The following ANKRD30A variants were observed in gnomAD, a reference collection of about 807,000 sequenced individuals.
The protein encoded by ANKRD30A is ankyrin repeat domain-containing protein 30A.
In ANKRD30A, 170 loss-of-function variants were observed where a neutral mutation model predicts 166.3. That is an observed-to-expected ratio of 1.02 (90% confidence interval 0.90 to 1.16). The LOEUF (loss-of-function observed/expected upper bound fraction) is 1.16. Among genes scored for constraint, ANKRD30A ranks in the 50% most tolerant of loss-of-function variants. ANKRD30A has a pLI of 0.00. For synonymous variants in ANKRD30A, 564 were observed against 508.9 expected, an observed-to-expected ratio of 1.11 and a Z score of -1.46; for missense variants, 1,630 against 1,518.0, an observed-to-expected ratio of 1.07 and a Z score of -1.23.
At chr10:37,257,505 A>T in the ANKRD30A span, among the ~76,000 whole-genome samples, 1 of 152,122 alleles carries the variant, frequency 6.6e-6, no homozygotes, top group Non-Finnish European at 1.5e-5. Flanking sequence ...GGTCGATTTT[A>T]GATCTTTCCA....
At chr10:37,195,148 A>T (rs1840974376) in intron 27 of ANKRD30A, among the ~76,000 whole-genome samples, 1 of 152,222 alleles carries the variant, frequency 6.6e-6, no homozygotes, top group East Asian at 1.9e-4. Flanking sequence ...AAGTTAGAAC[A>T]AGAATTTTCA....
At chr10:37,240,735 A>G in the ANKRD30A span, among the ~76,000 whole-genome samples, 2 of 152,084 alleles carry the variant, frequency 1.3e-5, no homozygotes, top group Non-Finnish European at 2.9e-5. Flanking sequence ...TCATCCACCA[A>G]AAAGTCTACA....
At chr10:37,200,082 A>G (rs914814251) in intron 30 of ANKRD30A, among the ~76,000 whole-genome samples, 2 of 152,088 alleles carry the variant, frequency 1.3e-5, no homozygotes, top group African/African-American at 4.8e-5. Flanking sequence ...GTCTAAAAGC[A>G]AAAGAATTAC....
chr10:37,150,942 A>G (rs926765830), intron 11 of ANKRD30A, among the ~76,000 whole-genome samples: 3 of 151,678 alleles, frequency 2.0e-5, no homozygotes, highest in Non-Finnish European at 4.4e-5. Flanking sequence ...TGGTGTGGCA[A>G]CACGTTAGAT....
chr10:37,217,011 G>A (rs1842637895), intron 32 of ANKRD30A, among the ~76,000 whole-genome samples: 1 of 150,758 alleles, frequency 6.6e-6, no homozygotes, highest in South Asian at 2.1e-4. Context: ...TACATAAAAT[G>A]AATTCAGAGT....
At position 37,160,175 on chromosome 10, in the gene ANKRD30A, A is replaced by G. The variant is rs1588831465; in HGVS notation, c.1900+1589A>G. On this transcript the variant is annotated intron_variant, in intron 15 of 35. Coordinates refer to ENST00000361713, the MANE Select transcript of ANKRD30A (RefSeq NM_052997.3). ...TTTAATTAGACCGTCTTTTCTAGCC[A>G]CTAAAAGTCGACATTAAATGGCAGC... 2.0e-5 allele frequency among the ~76,000 whole-genome samples: 3 copies of G among 152,328 alleles called. No homozygotes were observed. In the South Asian group the frequency reaches 6.2e-4, roughly 32 times the overall value.
chr10:37,244,413 T>G, the ANKRD30A span, among the ~76,000 whole-genome samples: 1 of 152,168 alleles, frequency 6.6e-6, no homozygotes, highest in African/African-American at 2.4e-5. Flanking sequence ...AGAAACCCCA[T>G]ACAGACATAA....
At chr10:37,229,561 A>G (rs941263373) in intron 34 of ANKRD30A, among the ~76,000 whole-genome samples, 1 of 151,988 alleles carries the variant, frequency 6.6e-6, no homozygotes, top group Admixed American at 6.6e-5. Context: ...AGTTAACTGT[A>G]TTCACTCTAC....
chr10:37,250,464 G>T, the ANKRD30A span, among the ~76,000 whole-genome samples: 1 of 151,976 alleles, frequency 6.6e-6, no homozygotes, highest in African/African-American at 2.4e-5. Flanking sequence ...AGACTCTGAC[G>T]AGGGGTTCAG....
Position 37,142,183 on chromosome 10 carries a change from G to A in ANKRD30A, c.1286G>A (p.Gly429Glu). ...WEKKETPVKT[G>E]CVARVTSNKT... ...AAAAAAGAAACACCTGTAAAGACTG[G>A]ATGCGTGGCAAGAGTAACATCTAAT... The change falls in exon 7 of 36, where the codon GGA becomes GAA. Residue 429 changes from glycine to glutamate, a missense_variant. By Grantham distance (98) the Gly-to-Glu change is moderately conservative (BLOSUM62 -2). Coordinates refer to ENST00000361713, the MANE Select transcript of ANKRD30A (RefSeq NM_052997.3). The A allele has an allele frequency of 6.2e-7, 1 of 1,613,990 alleles. No homozygotes were observed. Among genetic ancestry groups the A allele is most frequent in the Middle Eastern group, 1.7e-4 (1 of 6,060 alleles).
the ANKRD30A span, among the ~76,000 whole-genome samples, chr10:37,252,318 TTAAGCAAC>T: frequency 6.6e-6 from 1 of 152,190 alleles, no homozygotes; most frequent in Non-Finnish European, 1.5e-5. Context: ...TAGGCATGAA[TTAAGCAAC>T]TAGGCCTTTC....
At chr10:37,134,198 T>G (rs1588750213) in intron 5 of ANKRD30A, 145 bp downstream of exon 5, 7 of 993,580 alleles carry the variant, frequency 7.0e-6, no homozygotes, top group Middle Eastern at 3.4e-4. Context: ...GATTCTTTAT[T>G]TTAGGACTTT....
chr10:37,178,704 A>C, intron 24 of ANKRD30A: 2 of 722,040 alleles, frequency 2.8e-6, no homozygotes, highest in Non-Finnish European at 3.4e-6. Context: ...AAGTAAAAGG[A>C]AAGAGTGGGA....
chr10:37,247,209 G>T, the ANKRD30A span, among the ~76,000 whole-genome samples: 1 of 152,130 alleles, frequency 6.6e-6, no homozygotes, highest in Admixed American at 6.6e-5. Flanking sequence ...AACAAAAAGT[G>T]ATTGGTTGTT....
At chr10:37,230,609 A>T (rs1843374328) in intron 34 of ANKRD30A, among the ~76,000 whole-genome samples, 1 of 152,082 alleles carries the variant, frequency 6.6e-6, no homozygotes, top group Non-Finnish European at 1.5e-5. Context: ...GAGGATTAAA[A>T]TTGAGACCAA....
At chr10:37,229,796 G>T (rs1168669793) in intron 34 of ANKRD30A, among the ~76,000 whole-genome samples, 1 of 151,630 alleles carries the variant, frequency 6.6e-6, no homozygotes, top group African/African-American at 2.4e-5. Context: ...TTTAATTTTT[G>T]TGGGTACACA....
At chr10:37,220,653 C>G (rs1481132015) in intron 34 of ANKRD30A, among the ~76,000 whole-genome samples, 1 of 151,070 alleles carries the variant, frequency 6.6e-6, no homozygotes, top group Non-Finnish European at 1.5e-5. Context: ...AATATTGTTA[C>G]AAATAATTTG....
At chr10:37,202,487 A>C (rs934672458) in intron 31 of ANKRD30A, among the ~76,000 whole-genome samples, 4 of 152,212 alleles carry the variant, frequency 2.6e-5, no homozygotes, top group Non-Finnish European at 2.9e-5. Context: ...CATTTAAAGC[A>C]GTGTGTAGAG....
chr10:37,197,367 A>G lies in ANKRD30A; in HGVS notation c.2644-41A>G, dbSNP rs1462349436. The G allele has an allele frequency of 3.1e-6, 5 of 1,612,682 alleles. No homozygotes were observed. In the African/African-American group the frequency reaches 6.7e-5, roughly 22 times the overall value. On this transcript the variant is annotated intron_variant, in intron 28 of 35. Coordinates refer to ENST00000361713, the MANE Select transcript of ANKRD30A (RefSeq NM_052997.3). ...TTATTAACTATGTATTTTGTGAAGTATACATTCTTTATTAATCATTTTGCT... is the reference window on the plus strand; with the variant it reads ...TTATTAACTATGTATTTTGTGAAGTGTACATTCTTTATTAATCATTTTGCT...
Sources: allele counts gnomAD v4.1 joint callset (sites outside exome capture counted in the v4.1 genomes callset), GRCh38; gene constraint gnomAD v4.1.1; transcripts MANE v1.5; gene names NCBI Gene and HGNC (gene_info 2026-07-23, HGNC 2026-07-21).